SLC4A11: variants seen among roughly 807,000 people sequenced by gnomAD.
The protein encoded by SLC4A11 is solute carrier family 4 member 11, also known as bicarbonate transporter related protein 1.
In SLC4A11, 74 loss-of-function variants were observed where a neutral mutation model predicts 95.0. That is an observed-to-expected ratio of 0.78 (90% CI 0.65 to 0.95). The LOEUF is 0.95. SLC4A11 is among the 40% of genes least tolerant of loss of function. SLC4A11 has a pLI of 0.00. For synonymous variants in SLC4A11, 548 were observed against 519.0 expected (o/e 1.06, Z -0.76); for missense variants, 1,081 against 1,192.4 (o/e 0.91, Z 1.38).
rs764272881 is a variant in SLC4A11, at chr20:3,228,565, A to G, written c.2335T>C (p.Ser779Pro). ...TGGACGAGCTGGTTGCCATCGAGGG[A>G]GGTGAGCGCGATGTAGAGGAAGAGG... Reference protein sequence around the residue: ...YGLFLYIALTSLDGNQLVQRV... With the variant: ...YGLFLYIALTPLDGNQLVQRV... The change falls in exon 18 of 20, where the codon TCC (serine) becomes CCC (proline). Residue 779 changes from serine (S) to proline (P), a missense_variant. This residue lies in a region of SLC4A11 where 767 missense variants were observed against 858.0 expected (regional missense o/e 0.89). Transcript: ENST00000642402. 6.2e-7 allele frequency: 1 copy of G among 1,613,104 alleles called. No homozygotes were observed. The highest frequency in any genetic ancestry group is 8.5e-7 in the Non-Finnish European group (1 of 1,179,928).
At position 3,229,547 on chromosome 20, in the gene SLC4A11, G is replaced by A; in HGVS notation, c.1719C>T (p.Tyr573=). The A allele has an allele frequency of 1.2e-6, 2 of 1,612,840 alleles. No individual in the cohort carries two copies. Among genetic ancestry groups the A allele is most frequent in the South Asian group, 1.1e-5 (1 of 91,058 alleles). ...ACCTCTTCTTGAATTGGTAGAGGGT[G>A]TAGCCCAGCCAGAGCGTGCCCAGCA... ...LIMLGTLWLG[Y]TLYQFKKSPY... The change falls in exon 14 of 20, where the codon TAC becomes TAT. Residue 573 remains tyrosine, a synonymous_variant. Coordinates refer to ENST00000642402, the MANE Select transcript of SLC4A11 (RefSeq NM_001174089.2).
chr20:3,230,688 C>A, intron 11 of SLC4A11, 41 bp from the exon 12 acceptor site: 1 of 1,612,920 alleles, frequency 6.2e-7, no homozygotes, highest in Non-Finnish European at 8.5e-7. Flanking sequence ...CCGGCAGGAA[C>A]CAGGGGTCTC....
Position 3,234,496 on chromosome 20 carries a change from G to A in SLC4A11, c.291+72C>T, listed in dbSNP as rs977002648. 1.5e-5 allele frequency: 24 copies of A among 1,596,052 alleles called. No individual in the cohort carries two copies. Among genetic ancestry groups the A allele is most frequent in the Non-Finnish European group, 2.0e-5 (23 of 1,165,118 alleles). ...CATGGGAAGAGGGGAGCAGCGGGAG[G>A]ATTCTCAGGGAAGCCATCACCTCAG... is the stretch of plus-strand genomic sequence containing the variant. On this transcript the variant is annotated intron_variant, in intron 4 of 19. Coordinates refer to ENST00000642402, the MANE Select transcript of SLC4A11 (RefSeq NM_001174089.2). This position sits in a 1 kb window ranked among gnomAD's most constrained non-coding sequence, Gnocchi z 5.8.
intron 1 of SLC4A11, chr20:3,238,848 G>T: frequency 8.2e-7 from 1 of 1,215,274 alleles, no homozygotes; most frequent in Non-Finnish European, 1.0e-6. Context: ...TTCAAACCTG[G>T]TAAGAAATTC....
intron 1 of SLC4A11, chr20:3,238,597 G>C: frequency 1.0e-6 from 1 of 991,296 alleles, no homozygotes; most frequent in Non-Finnish European, 1.2e-6. Context: ...CAGAGCAAGG[G>C]AGAAACCGCT....
chr20:3,239,140 C>G lies in SLC4A11; in HGVS notation c.-3G>C, dbSNP rs2068079300. ...ACGCGCCTGGTGGCCGCGGCCATGGCACACTCGCGCACTCACGGCCGGGCT... is the reference window on the plus strand; with the variant it reads ...ACGCGCCTGGTGGCCGCGGCCATGGGACACTCGCGCACTCACGGCCGGGCT... On this transcript the variant is annotated 5_prime_UTR_variant, in exon 1 of 20. Coordinates refer to ENST00000642402, the MANE Select transcript of SLC4A11 (RefSeq NM_001174089.2). The G allele has an allele frequency of 6.8e-7, 1 of 1,467,724 alleles. No individual in the cohort carries two copies. The highest frequency in any genetic ancestry group is 9.0e-7 in the Non-Finnish European group (1 of 1,113,310). 90.9% of individuals were successfully genotyped at this position (1,467,724 alleles called of 1,614,324 possible). A position where few individuals can be genotyped will look rare whatever the true frequency, so the allele number is the denominator to read the frequency against.
chr20:3,238,991 C>G (rs2068074382), intron 1 of SLC4A11, 104 bp downstream of exon 1: 2 of 1,361,212 alleles, frequency 1.5e-6, no homozygotes, highest in South Asian at 1.7e-5. Context: ...GGCCCCGGCC[C>G]GCGCAGGCAG....
Position 3,229,258 on chromosome 20 carries a change from T to C in SLC4A11, c.1855A>G (p.Lys619Glu), listed in dbSNP as rs779432630. The change falls in exon 16 of 20, where the codon AAG (lysine) becomes GAG (glutamate). Residue 619 changes from lysine (K) to glutamate (E), a missense_variant. By Grantham distance (56) the Lys-to-Glu change is moderately conservative (BLOSUM62 1). Around this residue, in one of 3 missense-constraint regions of SLC4A11, gnomAD observed 767 missense variants for 858.0 expected, o/e 0.89. Transcript: ENST00000642402. Reference sequence around the variant, plus strand: ...CTCTCGCTGGGGTTGTAGCGGAACTTGCTCACTGCAGTAGGGGACAGGCTA... The same window carrying C: ...CTCTCGCTGGGGTTGTAGCGGAACTCGCTCACTGCAGTAGGGGACAGGCTA... The part of the protein sequence containing the change: ...SHGFREIEMS[K>E]FRYNPSESPF... The C allele has an allele frequency of 5.0e-6, 8 of 1,613,028 alleles. No homozygotes were observed. In the South Asian group the frequency reaches 8.8e-5, roughly 18 times the overall value.
Position 3,229,574 on chromosome 20 carries a change from G to A in SLC4A11, c.1692C>T (p.Ile564=), listed in dbSNP as rs1368267067. The change falls in exon 14 of 20, where the codon ATC becomes ATT. Residue 564 remains isoleucine, a synonymous_variant. Coordinates refer to ENST00000642402, the MANE Select transcript of SLC4A11 (RefSeq NM_001174089.2). ...AGCCCAGCCAGAGCGTGCCCAGCAT[G>A]ATGAGGAGGCTGAGCACGGCGGTCG... is the stretch of plus-strand genomic sequence containing the variant. ...GQATAVLSLL[I]MLGTLWLGYT... 4 of 1,612,840 alleles carry A rather than the reference G, an allele frequency of 2.5e-6. No individual in the cohort carries two copies. The highest frequency in any genetic ancestry group is 1.7e-4 in the Middle Eastern group (1 of 5,728).
chr20:3,239,206 C>A, upstream of SLC4A11: 2 of 1,340,872 alleles, frequency 1.5e-6, no homozygotes, highest in Non-Finnish European at 9.5e-7. Flanking sequence ...CCAAACTCGG[C>A]GACTCGGGCG....
Position 3,227,613 on chromosome 20 carries a change from G to A in SLC4A11, c.*174C>T. On this transcript the variant is annotated 3_prime_UTR_variant, in exon 20 of 20. Transcript: ENST00000642402. The stretch of plus-strand genomic sequence containing the variant: ...AAAGCTAAAGGATAATGGGAGAGGG[G>A]TGGGCACATACCACTGCACCCCTAC... The A allele has an allele frequency of 1.5e-6, 1 of 683,992 alleles. No homozygotes were observed. The highest frequency in any genetic ancestry group is 2.6e-6 in the Non-Finnish European group (1 of 384,762). 42.4% of individuals were successfully genotyped at this position (683,992 alleles called of 1,614,324 possible). A position where few individuals can be genotyped will look rare whatever the true frequency, so the allele number is the denominator to read the frequency against.
At position 3,229,624 on chromosome 20, in the gene SLC4A11, G is replaced by A. The variant is rs1600569090; in HGVS notation, c.1642C>T (p.Pro548Ser). 1 of 1,613,198 alleles carries A rather than the reference G, an allele frequency of 6.2e-7. No homozygotes were observed. Among genetic ancestry groups the A allele is most frequent in the African/African-American group, 1.3e-5 (1 of 75,044 alleles). ...ASFLASPTEL[P>S]SATHSGQATA... ...GCCTGGCCTGAGTGTGTGGCCGAGGGCAGCTCCGTGGGGCTGGCGAGGAAG... is the reference window on the plus strand; with the variant it reads ...GCCTGGCCTGAGTGTGTGGCCGAGGACAGCTCCGTGGGGCTGGCGAGGAAG... The change falls in exon 14 of 20, where the codon CCC becomes TCC. Residue 548 changes from proline (P) to serine (S), a missense_variant. Pro to Ser is a moderately conservative substitution (Grantham distance 74). Transcript: ENST00000642402.
intron 1 of SLC4A11, 137 bp downstream of exon 1, chr20:3,238,958 A>C: frequency 8.0e-7 from 1 of 1,254,652 alleles, no homozygotes; most frequent in Non-Finnish European, 1.0e-6. Context: ...GCGGCTGGGA[A>C]TCCCGCAGCC....
intron 1 of SLC4A11, chr20:3,238,248 C>A: frequency 1.5e-6 from 2 of 1,334,808 alleles, no homozygotes; most frequent in Non-Finnish European, 1.9e-6. Context: ...GAGGCTGCGC[C>A]CTCCCTGGGC....
At chr20:3,237,033 C>T (rs912006353) in intron 2 of SLC4A11, among the ~76,000 whole-genome samples, 3 of 152,116 alleles carry the variant, frequency 2.0e-5, no homozygotes, top group South Asian at 2.1e-4. Flanking sequence ...AAACAACCCT[C>T]GAATGGTCAG....
At position 3,234,597 on chromosome 20, in the gene SLC4A11, C is replaced by T. The variant is rs1393556675; in HGVS notation, c.262G>A (p.Gly88Ser). 1 of 1,613,794 alleles carries T rather than the reference C, an allele frequency of 6.2e-7. No individual in the cohort carries two copies. The highest frequency in any genetic ancestry group is 1.7e-5 in the Admixed American group (1 of 60,008). ...TNTENEATSG[G>S]CVLLHTSRKY... ...CGGGAGGTGTGCAGGAGCACACAGCCACCGGAAGTCGCTTCATTCTCTGCC... is the reference window on the plus strand; with the variant it reads ...CGGGAGGTGTGCAGGAGCACACAGCTACCGGAAGTCGCTTCATTCTCTGCC... Residue 88 changes from glycine (G) to serine (S), a missense_variant, in exon 4 of 20, where the codon GGC becomes AGC. Around this residue, in one of 3 missense-constraint regions of SLC4A11, gnomAD observed 310 missense variants for 313.5 expected, o/e 0.99. Transcript: ENST00000642402. The surrounding 1 kb of genome is among the most constrained non-coding windows in gnomAD (Gnocchi z 5.8).
chr20:3,233,617 T>C lies in SLC4A11; in HGVS notation c.626A>G (p.Gln209Arg). The C allele has an allele frequency of 6.2e-7, 1 of 1,613,162 alleles. No individual in the cohort carries two copies. The highest frequency in any genetic ancestry group is 8.5e-7 in the Non-Finnish European group (1 of 1,180,004). ...GCGGCTGATGCACACGTGCCGCTTCTGTAGGGCCTTCATGGTACAGCTGGC... is the reference window on the plus strand; with the variant it reads ...GCGGCTGATGCACACGTGCCGCTTCCGTAGGGCCTTCATGGTACAGCTGGC... Reference protein sequence around the residue: ...LCIICTMKALQKRHVCISRLV... With the variant: ...LCIICTMKALRKRHVCISRLV... The change falls in exon 7 of 20, where the codon CAG (glutamine) becomes CGG (arginine). Residue 209 changes from glutamine (Q) to arginine (R), a missense_variant. Gln to Arg is a conservative substitution (Grantham distance 43, BLOSUM62 1). Around this residue, in one of 3 missense-constraint regions of SLC4A11, gnomAD observed 310 missense variants for 313.5 expected, o/e 0.99. Transcript: ENST00000642402.
Position 3,237,530 on chromosome 20 carries a change from C to CGA in SLC4A11, c.88+12_88+13dup, listed in dbSNP as rs748643740. The CGA allele has an allele frequency of 8.1e-6, 13 of 1,613,310 alleles. No individual in the cohort carries two copies. Among genetic ancestry groups the CGA allele is most frequent in the Non-Finnish European group, 1.1e-5 (13 of 1,179,454 alleles). The stretch of plus-strand genomic sequence containing the variant: ...GCTCTCTCTGCACACACACACTCCC[C>CGA]GAGAGGTACTCACTTGAATCCTCGA... On this transcript the variant is annotated intron_variant, in intron 2 of 19. Transcript: ENST00000642402.
chr20:3,228,879 G>A lies in SLC4A11; in HGVS notation c.2151C>T (p.Ala717=). The change falls in exon 17 of 20, where the codon GCC becomes GCT. Residue 717 remains alanine, a synonymous_variant. Transcript: ENST00000642402. ...PHSPLHVRAL[A]LVEERVENGH... ...CGTTCTCCACACGCTCCTCCACTAA[G>A]GCCAGGGCTCGCACGTGCAGCGGGG... 1.2e-6 allele frequency: 2 copies of A among 1,613,932 alleles called. No homozygotes were observed. The highest frequency in any genetic ancestry group is 1.7e-6 in the Non-Finnish European group (2 of 1,180,028).
Sources: gnomAD v4.1 joint callset for allele counts (sites outside exome capture counted in the v4.1 genomes callset) on GRCh38, gnomAD v4.1.1 for gene constraint, gnomAD v4.1.1 regional missense constraint, Gnocchi (gnomAD v3.1) non-coding constraint, MANE v1.5 for transcripts, NCBI Gene and HGNC (gene_info 2026-07-23, HGNC 2026-07-21) for gene names.